Variants in AOPEP observed in about 807,000 individuals in gnomAD.
The protein encoded by AOPEP is aminopeptidase O (putative), also known as aminopeptidase O.
AOPEP carries 77 observed loss-of-function variants against 98.1 expected under a neutral mutation model. The observed-to-expected ratio is 0.78, with a 90% confidence interval of 0.65 to 0.95. The LOEUF is 0.95. Among genes scored for constraint, AOPEP ranks in the 40% least tolerant of loss-of-function variants. AOPEP has a pLI of 0.00. For missense variants in AOPEP, 1,024 were observed against 1,024.7 expected (o/e 1.00, Z 0.01); for synonymous variants, 346 against 365.3 (o/e 0.95, Z 0.60).
chr9:94,752,898 A>G (rs1194868138), intron 1 of AOPEP, among the ~76,000 whole-genome samples: 1 of 152,218 alleles, frequency 6.6e-6, no homozygotes, highest in East Asian at 1.9e-4. Context: ...GCAGTTTTCA[A>G]CTGGTACTTT....
the AOPEP span, chr9:95,114,461 C>G: frequency 2.8e-6 from 2 of 722,048 alleles, no homozygotes; most frequent in Non-Finnish European, 5.1e-6. Flanking sequence ...CCAAGCCATC[C>G]GTGCAGCCAT....
At chr9:94,836,275 A>G (rs1381848922) in intron 5 of AOPEP, among the ~76,000 whole-genome samples, 1 of 152,202 alleles carries the variant, frequency 6.6e-6, no homozygotes, top group Non-Finnish European at 1.5e-5. Context: ...ATCATATGGT[A>G]TGTATATATT....
intron 13 of AOPEP, among the ~76,000 whole-genome samples, chr9:95,028,422 C>T (rs7024015): frequency 0.049 from 7,478 of 152,256 alleles, 619 homozygotes; most frequent in African/African-American, 0.17. Context: ...TGGAGAATTA[C>T]GTCACTACCC....
At chr9:94,842,364 A>G (rs992094027) in intron 5 of AOPEP, among the ~76,000 whole-genome samples, 2 of 152,202 alleles carry the variant, frequency 1.3e-5, no homozygotes, top group Non-Finnish European at 2.9e-5. Flanking sequence ...CCGTCTTACA[A>G]AAAAAGAAAA....
intron 5 of AOPEP, among the ~76,000 whole-genome samples, chr9:94,830,326 G>T (rs1226554279): frequency 6.6e-6 from 1 of 152,236 alleles, no homozygotes; most frequent in Non-Finnish European, 1.5e-5. Flanking sequence ...GTTTGCTGAT[G>T]ATAATGGCTT....
intron 14 of AOPEP, among the ~76,000 whole-genome samples, chr9:95,073,014 A>T (rs1358980975): frequency 6.6e-6 from 1 of 152,206 alleles, no homozygotes; most frequent in Non-Finnish European, 1.5e-5. Flanking sequence ...GGGCAAGGCT[A>T]AGGGAGCCAT....
intron 13 of AOPEP, among the ~76,000 whole-genome samples, chr9:95,034,979 CTTTTTTTT>C (rs34875677): frequency 2.1e-5 from 3 of 144,602 alleles, no homozygotes; most frequent in African/African-American, 2.5e-5. Context: ...TTTCTTTTTT[CTTTTTTTT>C]TTTTTTATAC....
chr9:94,933,755 T>G, intron 7 of AOPEP: 1 of 587,640 alleles, frequency 1.7e-6, no homozygotes, highest in Non-Finnish European at 2.1e-6. Context: ...TTTTTTTTAA[T>G]TTTTTTTTTT....
At chr9:94,804,960 T>C (rs1413374681) in intron 5 of AOPEP, among the ~76,000 whole-genome samples, 3 of 152,128 alleles carry the variant, frequency 2.0e-5, no homozygotes, top group Non-Finnish European at 4.4e-5. Context: ...AGCACTCCGG[T>C]CCACAGGCCT....
chr9:94,916,708 AATT>A (rs1395413682), intron 5 of AOPEP, among the ~76,000 whole-genome samples: 1 of 143,296 alleles, frequency 7.0e-6, no homozygotes, highest in Non-Finnish European at 1.5e-5. Context: ...AAAAAAAAAA[AATT>A]AAATAAATAA....
intron 14 of AOPEP, among the ~76,000 whole-genome samples, chr9:95,069,776 C>A (rs1343194933): frequency 6.6e-6 from 1 of 152,118 alleles, no homozygotes; most frequent in African/African-American, 2.4e-5. Context: ...GTGTGATGGC[C>A]CTGGTAGCAG....
chr9:95,029,154 A>G (rs1203177071), intron 13 of AOPEP, among the ~76,000 whole-genome samples: 1 of 152,198 alleles, frequency 6.6e-6, no homozygotes, highest in Admixed American at 6.5e-5. Context: ...CGTGACCAAC[A>G]TGAAATCTCC....
At chr9:94,777,431 C>T (rs987175592) in intron 3 of AOPEP, among the ~76,000 whole-genome samples, 1 of 92,010 alleles carries the variant, frequency 1.1e-5, no homozygotes, top group South Asian at 3.4e-4. Context: ...GACTCCATCT[C>T]AAAAAAAAAA....
chr9:94,863,204 T>A (rs961323576), intron 5 of AOPEP, among the ~76,000 whole-genome samples: 3 of 151,992 alleles, frequency 2.0e-5, no homozygotes, highest in African/African-American at 7.2e-5. Flanking sequence ...AGCCTATGAT[T>A]TCTTTCTCTC....
At chr9:94,932,078 C>T (rs995944238) in intron 7 of AOPEP, 22 of 1,087,500 alleles carry the variant, frequency 2.0e-5, no homozygotes, top group Admixed American at 5.1e-5. Context: ...AAACTCTTCT[C>T]GGTTCCCTAT....
chr9:94,841,417 G>T (rs922418237), intron 5 of AOPEP, among the ~76,000 whole-genome samples: 2 of 152,040 alleles, frequency 1.3e-5, no homozygotes. Context: ...CAGGTGATCC[G>T]CCTGCCTTGG....
At chr9:95,100,793 G>A in the AOPEP span, 3 of 225,428 alleles carry the variant, frequency 1.3e-5, no homozygotes, top group East Asian at 6.4e-5. Context: ...ATTGCACCCC[G>A]ATAATTTTTG....
At chr9:95,083,436 A>C (rs542355300) in intron 16 of AOPEP, among the ~76,000 whole-genome samples, 1 of 142,566 alleles carries the variant, frequency 7.0e-6, no homozygotes, top group South Asian at 2.3e-4. Context: ...CACATGCAGC[A>C]TACACACCAA....
intron 7 of AOPEP, among the ~76,000 whole-genome samples, chr9:94,952,181 G>C (rs2058145129): frequency 6.6e-6 from 1 of 152,228 alleles, no homozygotes; most frequent in South Asian, 2.1e-4. Context: ...TCGTGTGCCA[G>C]TGGCACATGA....
Sources: allele counts gnomAD v4.1 joint callset (sites outside exome capture counted in the v4.1 genomes callset), GRCh38; gene constraint gnomAD v4.1.1; transcripts MANE v1.5; gene names NCBI Gene and HGNC (gene_info 2026-07-23, HGNC 2026-07-21).